Variants in XIRP2 observed in about 807,000 individuals in gnomAD.
XIRP2 encodes the protein xin actin binding repeat containing 2.
In XIRP2, 236 loss-of-function variants were observed where a neutral mutation model predicts 277.0. The observed-to-expected ratio is 0.85, with a 90% confidence interval of 0.77 to 0.95. XIRP2 has a LOEUF of 0.95. Ranked by LOEUF, XIRP2 falls within the 40% of genes least tolerant of loss-of-function variation. The pLI is 0.00. For synonymous variants in XIRP2, 1,490 were observed against 1,416.5 expected, an observed-to-expected ratio of 1.05 and a Z score of -1.17; for missense variants, 4,640 against 4,157.5, an observed-to-expected ratio of 1.12 and a Z score of -3.19.
intron 2 of XIRP2, among the ~76,000 whole-genome samples, chr2:167,043,473 A>T (rs78388173): frequency 0.042 from 6,414 of 152,164 alleles, 159 homozygotes; most frequent in Non-Finnish European, 0.054. Flanking sequence ...AAAACAGAGA[A>T]GATTCAAATA....
chr2:167,087,410 T>G (rs1689990660), intron 2 of XIRP2, among the ~76,000 whole-genome samples: 1 of 151,904 alleles, frequency 6.6e-6, no homozygotes, highest in East Asian at 1.9e-4. Flanking sequence ...GTCTGTGCCC[T>G]GCCCCACAGG....
At position 167,135,947 on chromosome 2, in the gene XIRP2, T is replaced by C. The variant is rs777231312; in HGVS notation, c.447T>C (p.Phe149=). ...AGCGAAGTTTGTGCTCGCCAGCTTT[T>C]AAGAGTCACCCTGGGAGCCAGCTGG... ...EIERSLCSPA[F]KSHPGSQLED... Residue 149 remains phenylalanine, a synonymous_variant, in exon 3 of 11, where the codon TTT becomes TTC. Transcript: ENST00000409195. The C allele has an allele frequency of 6.2e-7, 1 of 1,607,100 alleles. No homozygotes were observed. The highest frequency in any genetic ancestry group is 1.1e-5 in the South Asian group (1 of 90,140).
At chr2:167,058,394 T>G (rs1322345895) in intron 2 of XIRP2, among the ~76,000 whole-genome samples, 1 of 152,116 alleles carries the variant, frequency 6.6e-6, no homozygotes, top group African/African-American at 2.4e-5. Context: ...TTGTGCATGT[T>G]TTAGTTATTT....
chr2:167,042,728 G>C (rs1025443081), intron 2 of XIRP2, among the ~76,000 whole-genome samples: 2 of 152,100 alleles, frequency 1.3e-5, no homozygotes, highest in Admixed American at 6.5e-5. Flanking sequence ...AAAGACCTAT[G>C]AAGAGAGTTA....
At chr2:166,969,601 C>CT (rs1686522270) in intron 2 of XIRP2, among the ~76,000 whole-genome samples, 1 of 151,758 alleles carries the variant, frequency 6.6e-6, no homozygotes, top group Non-Finnish European at 1.5e-5. Flanking sequence ...AATTTTAAGG[C>CT]TTCATATATG....
intron 3 of XIRP2, among the ~76,000 whole-genome samples, chr2:167,148,405 AAGAAAGAAAGAG>A (rs1477869468): frequency 2.0e-4 from 28 of 142,238 alleles, no homozygotes; most frequent in Non-Finnish European, 3.4e-4. Flanking sequence ...AAGAAAGAAA[AAGAAAGAAAGAG>A]AGAAAGAAAG....
intron 2 of XIRP2, among the ~76,000 whole-genome samples, chr2:167,057,846 C>T (rs765848010): frequency 7.9e-5 from 12 of 151,906 alleles, no homozygotes; most frequent in Non-Finnish European, 1.3e-4. Context: ...ATCTCAATAA[C>T]TTGAAGGAGG....
At chr2:166,997,244 C>T (rs1233098154) in intron 2 of XIRP2, among the ~76,000 whole-genome samples, 1 of 152,124 alleles carries the variant, frequency 6.6e-6, no homozygotes, top group African/African-American at 2.4e-5. Flanking sequence ...ATTCTTAACC[C>T]TATTTGTTTC....
intron 2 of XIRP2, among the ~76,000 whole-genome samples, chr2:167,006,751 T>A (rs1010959881): frequency 6.6e-6 from 1 of 151,738 alleles, no homozygotes; most frequent in Non-Finnish European, 1.5e-5. Context: ...AAAACATTGT[T>A]AAAATCCCAG....
chr2:166,939,275 A>T (rs1685620674), intron 2 of XIRP2, among the ~76,000 whole-genome samples: 1 of 152,066 alleles, frequency 6.6e-6, no homozygotes, highest in Admixed American at 6.5e-5. Context: ...GAGCTCTTTT[A>T]GGGCAGGCCT....
intron 2 of XIRP2, among the ~76,000 whole-genome samples, chr2:167,132,017 C>T (rs1204695293): frequency 6.6e-6 from 1 of 151,982 alleles, no homozygotes; most frequent in Non-Finnish European, 1.5e-5. Flanking sequence ...CTCTCTCTCC[C>T]CTCCTCTCTC....
At chr2:167,191,236 G>T (rs546524109) in intron 3 of XIRP2, among the ~76,000 whole-genome samples, 133 of 146,958 alleles carry the variant, frequency 9.1e-4, no homozygotes, top group Non-Finnish European at 1.8e-3. Flanking sequence ...GAAAAGAAAA[G>T]AAAAGACATT....
chr2:167,054,218 T>C (rs994626302), intron 2 of XIRP2, among the ~76,000 whole-genome samples: 6 of 152,222 alleles, frequency 3.9e-5, no homozygotes, highest in African/African-American at 1.4e-4. Flanking sequence ...CTATCCTTAC[T>C]GTATCTCTAT....
At chr2:166,893,063 G>T (rs993663614) in intron 1 of XIRP2, among the ~76,000 whole-genome samples, 1 of 151,538 alleles carries the variant, frequency 6.6e-6, no homozygotes. Flanking sequence ...GAGGGTTTGC[G>T]TGTGCTGTAA....
At chr2:166,932,217 T>TC (rs991324369) in intron 2 of XIRP2, among the ~76,000 whole-genome samples, 7 of 137,348 alleles carry the variant, frequency 5.1e-5, no homozygotes, top group Admixed American at 1.5e-4. Context: ...TCTCTCTCTC[T>TC]TTTTTTTTTT....
intron 2 of XIRP2, among the ~76,000 whole-genome samples, chr2:167,033,095 G>A (rs186607321): frequency 1.1e-4 from 17 of 151,932 alleles, no homozygotes; most frequent in East Asian, 3.9e-4. Context: ...ACATATACAC[G>A]ATGGAATACT....
At chr2:167,016,614 T>C (rs1054000417) in intron 2 of XIRP2, among the ~76,000 whole-genome samples, 1 of 151,940 alleles carries the variant, frequency 6.6e-6, no homozygotes, top group Non-Finnish European at 1.5e-5. Context: ...CCTATGTTAG[T>C]TTAGGTCCTC....
intron 2 of XIRP2, among the ~76,000 whole-genome samples, chr2:167,096,332 G>C (rs1690317049): frequency 6.6e-6 from 1 of 152,100 alleles, no homozygotes; most frequent in Non-Finnish European, 1.5e-5. Flanking sequence ...TAGTTTATTT[G>C]CATAGAGATG....
At chr2:167,150,244 T>C (rs1173285301) in intron 3 of XIRP2, among the ~76,000 whole-genome samples, 1 of 152,046 alleles carries the variant, frequency 6.6e-6, no homozygotes, top group East Asian at 1.9e-4. Context: ...CCAAAAAATT[T>C]GTGTAACCAT....
Sources: gnomAD v4.1 joint callset for allele counts (sites outside exome capture counted in the v4.1 genomes callset) on GRCh38, gnomAD v4.1.1 for gene constraint, MANE v1.5 for transcripts, NCBI Gene and HGNC (gene_info 2026-07-23, HGNC 2026-07-21) for gene names.